Variants in RPS6KA4 observed in about 807,000 individuals in gnomAD.
RPS6KA4 encodes ribosomal protein S6 kinase alpha-4.
In RPS6KA4, 38 loss-of-function variants were observed where a neutral mutation model predicts 89.6. That is an observed-to-expected ratio of 0.42 (90% CI 0.33 to 0.56). The LOEUF (loss-of-function observed/expected upper bound fraction) is 0.56, where lower values mean the gene tolerates loss of function less well. Ranked by LOEUF, RPS6KA4 falls within the 20% of genes least tolerant of loss-of-function variation. RPS6KA4 has a pLI of 0.07. For missense variants in RPS6KA4, 873 were observed against 1,098.8 expected (o/e 0.79, Z 2.90); for synonymous variants, 495 against 492.8 (o/e 1.00, Z -0.06).
chr11:64,359,778 CA>C (rs1449285337), intron 2 of RPS6KA4: 11 of 529,720 alleles, frequency 2.1e-5, no homozygotes, highest in African/African-American at 7.7e-5. Context: ...CCACATTTTG[CA>C]AATGCCCCAG....
Position 64,369,830 on chromosome 11 carries a change from C to G in RPS6KA4, c.1734C>G (p.Pro578=). ...GCTTCACGCTGCAGTACGCTGCCCCCGAGCTGCTGGCGCAGCAGGGCTACG... is the reference window on the plus strand; with the variant it reads ...GCTTCACGCTGCAGTACGCTGCCCCGGAGCTGCTGGCGCAGCAGGGCTACG... ...TPCFTLQYAA[P]ELLAQQGYDE... The change falls in exon 14 of 17, where the codon CCC becomes CCG. Residue 578 remains proline, a synonymous_variant. Transcript: ENST00000334205. 1 of 1,592,736 alleles carries G rather than the reference C, an allele frequency of 6.3e-7. No homozygotes were observed. The highest frequency in any genetic ancestry group is 1.3e-5 in the African/African-American group (1 of 74,600).
At chr11:64,367,120 T>C (rs917894267) in intron 9 of RPS6KA4, among the ~76,000 whole-genome samples, 1 of 152,236 alleles carries the variant, frequency 6.6e-6, no homozygotes, top group Admixed American at 6.5e-5. Flanking sequence ...GACACATAGT[T>C]TATTTTTAAA....
At position 64,361,637 on chromosome 11, in the gene RPS6KA4, G is replaced by A. The variant is rs373507311; in HGVS notation, c.652-5G>A. 62 of 1,612,962 alleles carry A rather than the reference G, an allele frequency of 3.8e-5. No homozygotes were observed. Among genetic ancestry groups the A allele is most frequent in the African/African-American group, 1.7e-4 (13 of 74,904 alleles). On this transcript the variant is annotated splice_polypyrimidine_tract_variant and splice_region_variant and intron_variant, in intron 6 of 16. Coordinates refer to ENST00000334205, the MANE Select transcript of RPS6KA4 (RefSeq NM_003942.3). The surrounding 1 kb of genome is among the most constrained non-coding windows in gnomAD (Gnocchi z 4.7). ...GCAGGCCCTCACCCCGGCTCCACCC[G>A]GCAGGCTGTGGACTGGTGGAGCCTG...
chr11:64,369,639 G>T lies in RPS6KA4; in HGVS notation c.1602+20G>T, dbSNP rs1369401983. The T allele has an allele frequency of 1.2e-6, 2 of 1,601,804 alleles. No individual in the cohort carries two copies. The highest frequency in any genetic ancestry group is 3.4e-5 in the Admixed American group (2 of 59,124). Reference sequence around the variant, plus strand: ...CCGGAGGTGGGCGAGCTGCCTCGGCGGCGGGGCGGAGCGGTGGCGCCGGGG... The same window carrying T: ...CCGGAGGTGGGCGAGCTGCCTCGGCTGCGGGGCGGAGCGGTGGCGCCGGGG... On this transcript the variant is annotated intron_variant, in intron 13 of 16. Transcript: ENST00000334205.
Position 64,359,254 on chromosome 11 carries a change from G to T in RPS6KA4, c.19G>T (p.Asp7Tyr). The T allele has an allele frequency of 1.4e-6, 2 of 1,457,754 alleles. No homozygotes were observed. The highest frequency in any genetic ancestry group is 1.4e-5 in the African/African-American group (1 of 69,144). 90.3% of individuals were successfully genotyped at this position (1,457,754 alleles called of 1,614,324 possible). Residue 7 changes from aspartate to tyrosine, a missense_variant, in exon 1 of 17, where the codon GAT (aspartate) becomes TAT (tyrosine). By Grantham distance (160) the Asp-to-Tyr change is radical (BLOSUM62 -3). Around this residue, in one of 4 missense-constraint regions of RPS6KA4, gnomAD observed 49 missense variants for 51.9 expected, o/e 0.94. Coordinates refer to ENST00000334205, the MANE Select transcript of RPS6KA4 (RefSeq NM_003942.3). MGDEDD[D>Y]ESCAVELRIT... ...GCCCGCCATGGGGGACGAGGACGAC[G>T]ATGAGAGCTGCGCCGTGGAGCTGCG...
chr11:64,370,333 G>C lies in RPS6KA4; in HGVS notation c.1906G>C (p.Asp636His). 1 of 1,605,004 alleles carries C rather than the reference G, an allele frequency of 6.2e-7. No homozygotes were observed. The highest frequency in any genetic ancestry group is 8.5e-7 in the Non-Finnish European group (1 of 1,177,404). Residue 636 changes from aspartate to histidine, a missense_variant, in exon 15 of 17, where the codon GAC becomes CAC. Physicochemically the swap from Asp to His is moderately conservative, Grantham distance 81. Coordinates refer to ENST00000334205, the MANE Select transcript of RPS6KA4 (RefSeq NM_003942.3). The surrounding 1 kb of genome is among the most constrained non-coding windows in gnomAD (Gnocchi z 4.1). ...CKIREGRFSL[D>H]GEAWQGVSEE... ...AATCCGCGAGGGGCGCTTCTCCCTT[G>C]ACGGGGAGGCCTGGCAGGGTGTATC...
At chr11:64,367,287 A>G (rs561146311) in intron 9 of RPS6KA4, among the ~76,000 whole-genome samples, 2 of 150,876 alleles carry the variant, frequency 1.3e-5, no homozygotes, top group Admixed American at 1.3e-4. Context: ...CTAGGACTAC[A>G]GGCAAGTGCC....
chr11:64,366,262 A>G (rs1263252631), intron 9 of RPS6KA4, among the ~76,000 whole-genome samples: 3 of 150,380 alleles, frequency 2.0e-5, no homozygotes, highest in Admixed American at 1.3e-4. Context: ...TCTCTGCCTC[A>G]CGGGTTCAAG....
rs370422690 is a variant in RPS6KA4 at position 64,369,588 on chromosome 11, C to T, written c.1571C>T (p.Ala524Val). ...GCCGTGAGCTTCATGCACGAGGAGGCGGGCGTGGTGCACCGCGACCTCAAG... is the reference window on the plus strand; with the variant it reads ...GCCGTGAGCTTCATGCACGAGGAGGTGGGCGTGGTGCACCGCGACCTCAAG... ...VSAVSFMHEE[A>V]GVVHRDLKPE... The change falls in exon 13 of 17, where the codon GCG (alanine) becomes GTG (valine). Residue 524 changes from alanine (A) to valine (V), a missense_variant. Around this residue, in one of 4 missense-constraint regions of RPS6KA4, gnomAD observed 542 missense variants for 736.4 expected, o/e 0.74. Transcript: ENST00000334205. The T allele has an allele frequency of 5.0e-6, 8 of 1,605,022 alleles. No individual in the cohort carries two copies. The highest frequency in any genetic ancestry group is 4.3e-6 in the Non-Finnish European group (5 of 1,176,354).
Position 64,369,581 on chromosome 11 carries a change from G to T in RPS6KA4, c.1564G>T (p.Glu522Ter). ...CGTGTCGGCCGTGAGCTTCATGCAC[G>T]AGGAGGCGGGCGTGGTGCACCGCGA... ...SLVSAVSFMH[E>*]EAGVVHRDLK... Residue 522 changes from glutamate to a stop codon, truncating the protein, a stop_gained, in exon 13 of 17, where the codon GAG becomes TAG. Transcript: ENST00000334205. LOFTEE classifies it high-confidence loss of function. The T allele has an allele frequency of 6.2e-7, 1 of 1,605,846 alleles. No individual in the cohort carries two copies. Among genetic ancestry groups the T allele is most frequent in the Non-Finnish European group, 8.5e-7 (1 of 1,176,736 alleles).
At chr11:64,369,419 G>A in intron 12 of RPS6KA4, 27 bp from the exon 13 acceptor site, 4 of 1,558,488 alleles carry the variant, frequency 2.6e-6, no homozygotes, top group Non-Finnish European at 3.5e-6. Flanking sequence ...GGTGGGTGTT[G>A]ACCTTGGCCC....
intron 9 of RPS6KA4, 87 bp downstream of exon 9, chr11:64,365,552 AG>A: frequency 6.9e-7 from 1 of 1,450,126 alleles, no homozygotes; most frequent in Non-Finnish European, 9.5e-7. Context: ...GACACTGCCT[AG>A]GCCTTGTGTC....
intron 12 of RPS6KA4, 70 bp downstream of exon 12, chr11:64,368,867 C>T (rs866417846): frequency 6.6e-6 from 9 of 1,362,720 alleles, no homozygotes; most frequent in Middle Eastern, 2.1e-4. Context: ...GCACTATGGG[C>T]GGGATCTAGG....
At position 64,370,906 on chromosome 11, in the gene RPS6KA4, C is replaced by T. The variant is rs1177078725; in HGVS notation, c.2121+180C>T. On this transcript the variant is annotated intron_variant, in intron 16 of 16. Transcript: ENST00000334205. The surrounding 1 kb of genome is among the most constrained non-coding windows in gnomAD (Gnocchi z 4.1). ...GGATCACGAGGTCAGGGGTTCGAGA[C>T]CAGCCTGAACAACATGGTGAAACCC... Among the ~76,000 whole-genome samples, 2 of 151,920 alleles carry T rather than the reference C, an allele frequency of 1.3e-5. No individual in the cohort carries two copies. Among genetic ancestry groups the T allele is most frequent in the Non-Finnish European group, 2.9e-5 (2 of 67,972 alleles).
At position 64,361,901 on chromosome 11, in the gene RPS6KA4, G is replaced by C. The variant is rs2135328788; in HGVS notation, c.805G>C (p.Ala269Pro). Residue 269 changes from alanine (A) to proline (P), a missense_variant, in exon 8 of 17, where the codon GCG becomes CCG. Ala to Pro is a conservative substitution (Grantham distance 27). Around this residue, in one of 4 missense-constraint regions of RPS6KA4, gnomAD observed 542 missense variants for 736.4 expected, o/e 0.74. Coordinates refer to ENST00000334205, the MANE Select transcript of RPS6KA4 (RefSeq NM_003942.3). This position sits in a 1 kb window ranked among gnomAD's most constrained non-coding sequence, Gnocchi z 4.7. ...CTTCCCCCCTCGGATCGGGCCCGTG[G>C]CGCAGGACCTGCTGCAGCGGCTGCT... ...PPFPPRIGPV[A>P]QDLLQRLLCK... 1.2e-6 allele frequency: 2 copies of C among 1,613,134 alleles called. No individual in the cohort carries two copies. Among genetic ancestry groups the C allele is most frequent in the African/African-American group, 2.7e-5 (2 of 75,038 alleles).
chr11:64,370,446 C>T lies in RPS6KA4; in HGVS notation c.1957+62C>T. 4.4e-6 allele frequency: 7 copies of T among 1,606,850 alleles called. No homozygotes were observed. The highest frequency in any genetic ancestry group is 5.1e-6 in the Non-Finnish European group (6 of 1,177,354). On this transcript the variant is annotated intron_variant, in intron 15 of 16. Transcript: ENST00000334205. The surrounding 1 kb of genome is among the most constrained non-coding windows in gnomAD (Gnocchi z 4.1). ...GGGGACGCTGGGACAGGGATGGTCA[C>T]TGGGCCAGGTGTCCTGGTTGGGGAT...
At chr11:64,362,109 C>A in intron 8 of RPS6KA4, 107 bp downstream of exon 8, 1 of 1,358,908 alleles carries the variant, frequency 7.4e-7, no homozygotes, top group Non-Finnish European at 1.0e-6. Context: ...GAAATCCCCC[C>A]AGAGAAAGAA....
At chr11:64,364,411 T>C (rs368906309) in intron 8 of RPS6KA4, among the ~76,000 whole-genome samples, 213 of 152,328 alleles carry the variant, frequency 1.4e-3, no homozygotes, top group African/African-American at 4.8e-3. Context: ...ATTCTTTTAA[T>C]TGTGTATATT....
Position 64,371,388 on chromosome 11 carries a change from C to G in RPS6KA4, c.2227C>G (p.Arg743Gly). Residue 743 changes from arginine (R) to glycine (G), a missense_variant, in exon 17 of 17, where the codon CGG becomes GGG. Coordinates refer to ENST00000334205, the MANE Select transcript of RPS6KA4 (RefSeq NM_003942.3). Reference protein sequence around the residue: ...QKLRSATASRRGSPAPANPGR... With the variant: ...QKLRSATASRGGSPAPANPGR... ...GCTGCGGAGCGCCACCGCCTCCCGC[C>G]GGGGCTCCCCTGCACCAGCCAACCC... The G allele has an allele frequency of 6.2e-7, 1 of 1,611,900 alleles. No individual in the cohort carries two copies. The highest frequency in any genetic ancestry group is 8.5e-7 in the Non-Finnish European group (1 of 1,179,508).
Sources: allele counts gnomAD v4.1 joint callset (sites outside exome capture counted in the v4.1 genomes callset), GRCh38; gene constraint gnomAD v4.1.1; regional missense constraint gnomAD v4.1.1; non-coding constraint Gnocchi (gnomAD v3.1); transcripts MANE v1.5; gene names NCBI Gene and HGNC (gene_info 2026-07-23, HGNC 2026-07-21).